The following CTTNBP2 variants were observed in gnomAD, a reference collection of about 807,000 sequenced individuals.
CTTNBP2 encodes the protein cortactin binding protein 2, also known as cortactin-binding protein 2.
In CTTNBP2, 108 loss-of-function variants were observed where a neutral mutation model predicts 156.9. The ratio of observed to expected loss-of-function variants is 0.69; its 90% CI spans 0.59 to 0.81. The LOEUF is 0.81. Ranked by LOEUF, CTTNBP2 falls within the 30% of genes least tolerant of loss-of-function variation. The probability of loss-of-function intolerance (pLI) is 0.00; values close to 1 mark genes in which losing one functional copy is unlikely to be tolerated. For missense variants in CTTNBP2, 1,924 were observed against 2,035.4 expected (o/e 0.95, Z 1.05); for synonymous variants, 767 against 751.8 (o/e 1.02, Z -0.33).
intron 3 of CTTNBP2, among the ~76,000 whole-genome samples, chr7:117,803,875 G>A (rs1184904722): frequency 6.6e-6 from 1 of 152,102 alleles, no homozygotes; most frequent in Non-Finnish European, 1.5e-5. Context: ...AGCAAATCAT[G>A]ATACATGATT....
At chr7:117,846,128 G>T (rs1354464135) in intron 2 of CTTNBP2, among the ~76,000 whole-genome samples, 1 of 152,132 alleles carries the variant, frequency 6.6e-6, no homozygotes, top group Non-Finnish European at 1.5e-5. Context: ...TGAGATTACA[G>T]GCGTGAGCCA....
chr7:117,724,849 C>G, intron 18 of CTTNBP2, 117 bp from the exon 19 acceptor site: 1 of 1,290,898 alleles, frequency 7.7e-7, no homozygotes, highest in South Asian at 1.4e-5. Flanking sequence ...AGTATCCAAG[C>G]TGGGGTTTTG....
At chr7:117,721,557 T>C (rs1275085689) in intron 19 of CTTNBP2, among the ~76,000 whole-genome samples, 1 of 152,268 alleles carries the variant, frequency 6.6e-6, no homozygotes, top group Non-Finnish European at 1.5e-5. Flanking sequence ...CTAACACTAC[T>C]ATGTAATCAA....
intron 16 of CTTNBP2, 106 bp from the exon 17 acceptor site, chr7:117,728,373 T>C (rs1795221272): frequency 1.2e-6 from 1 of 811,372 alleles, no homozygotes; most frequent in Non-Finnish European, 2.0e-6. Context: ...GAAAAGTAGC[T>C]GAATCTTATT....
chr7:117,802,815 A>G (rs137860907), intron 3 of CTTNBP2, among the ~76,000 whole-genome samples: 3,028 of 152,332 alleles, frequency 0.02, 36 homozygotes, highest in South Asian at 0.033. Context: ...AGAAATGCAA[A>G]TCAAAACCAC....
chr7:117,840,030 T>C (rs1452749412), intron 2 of CTTNBP2, among the ~76,000 whole-genome samples: 1 of 152,244 alleles, frequency 6.6e-6, no homozygotes, highest in Admixed American at 6.5e-5. Flanking sequence ...CACACGTTTA[T>C]ATGTATGCAT....
intron 19 of CTTNBP2, among the ~76,000 whole-genome samples, chr7:117,723,024 GA>G: frequency 6.6e-6 from 1 of 152,270 alleles, no homozygotes. Context: ...CCTTGCTACA[GA>G]AAGTCATCTG....
intron 2 of CTTNBP2, among the ~76,000 whole-genome samples, chr7:117,811,872 TAAA>T (rs1800309657): frequency 7.8e-6 from 1 of 128,036 alleles, no homozygotes; most frequent in East Asian, 2.0e-4. Flanking sequence ...AAATTTTAAT[TAAA>T]TTAAAATTTT....
intron 2 of CTTNBP2, among the ~76,000 whole-genome samples, chr7:117,844,048 C>T (rs542570379): frequency 3.5e-4 from 47 of 135,828 alleles, no homozygotes; most frequent in Non-Finnish European, 4.2e-4. Flanking sequence ...GAAGCAGAAA[C>T]GAAGAGAGAG....
chr7:117,850,334 G>A (rs1269775092), intron 2 of CTTNBP2, among the ~76,000 whole-genome samples: 1 of 152,222 alleles, frequency 6.6e-6, no homozygotes, highest in African/African-American at 2.4e-5. Flanking sequence ...TTGCACTCCA[G>A]CCTGGTTGAC....
rs189655803 is a variant in CTTNBP2, at chr7:117,823,721, C to T, written c.190-12732G>A. ...GACACTTTTCGTTTGTTTTTGGAGA[C>T]AGGGTCTTGCTCTGTCACCCAGGCT... On this transcript the variant is annotated intron_variant, in intron 2 of 22. Coordinates refer to ENST00000160373, the MANE Select transcript of CTTNBP2 (RefSeq NM_033427.3). Among the ~76,000 whole-genome samples the T allele has an allele frequency of 4.8e-4, 73 of 152,238 alleles. No homozygotes were observed. The East Asian group carries it at 0.013, about 27-fold the overall frequency.
chr7:117,858,221 T>A (rs893249959), intron 2 of CTTNBP2, among the ~76,000 whole-genome samples: 2 of 152,058 alleles, frequency 1.3e-5, no homozygotes, highest in Non-Finnish European at 2.9e-5. Flanking sequence ...ATACAAAAAA[T>A]TAGCCGGGCA....
At chr7:117,844,864 A>C (rs954166127) in intron 2 of CTTNBP2, among the ~76,000 whole-genome samples, 2 of 152,128 alleles carry the variant, frequency 1.3e-5, no homozygotes, top group Non-Finnish European at 2.9e-5. Flanking sequence ...GATTGCTTCA[A>C]TGTTCTCAAT....
Position 117,791,478 on chromosome 7 carries a change from G to A in CTTNBP2, c.1718C>T (p.Ser573Leu), listed in dbSNP as rs914343538. The change falls in exon 4 of 23, where the codon TCG (serine) becomes TTG (leucine). Residue 573 changes from serine to leucine, a missense_variant. Transcript: ENST00000160373. Reference sequence around the variant, plus strand: ...GTTATCAACTTTGGCCCCTGTGTTCGAGGCCCTGCTGCTGTCTATAATAAC... The same window carrying A: ...GTTATCAACTTTGGCCCCTGTGTTCAAGGCCCTGCTGCTGTCTATAATAAC... ...LKVIIDSSRA[S>L]NTGAKVDNKT... 1.5e-5 allele frequency: 25 copies of A among 1,614,106 alleles called. No individual in the cohort carries two copies. Among genetic ancestry groups the A allele is most frequent in the East Asian group, 4.5e-5 (2 of 44,894 alleles).
chr7:117,756,409 A>G (rs1204591618), intron 12 of CTTNBP2, 146 bp downstream of exon 12: 7 of 653,706 alleles, frequency 1.1e-5, no homozygotes, highest in African/African-American at 7.3e-5. Context: ...GCAGCCTGCC[A>G]GGGAGGGGGC....
rs766066399 is a variant in CTTNBP2, at chr7:117,792,533, T to G, written c.663A>C (p.Thr221=). The G allele has an allele frequency of 1.2e-6, 2 of 1,614,104 alleles. No individual in the cohort carries two copies. The highest frequency in any genetic ancestry group is 1.7e-6 in the Non-Finnish European group (2 of 1,180,038). The change falls in exon 4 of 23, where the codon ACA becomes ACC. Residue 221 remains threonine, a synonymous_variant. Coordinates refer to ENST00000160373, the MANE Select transcript of CTTNBP2 (RefSeq NM_033427.3). The surrounding 1 kb of genome is among the most constrained non-coding windows in gnomAD (Gnocchi z 4.2). ...GTTTTTCCATCTGAGCTTCCATTTC[T>G]GTGCTTCTTCGTTTCTCAGCGGAGA... ...EELSAEKRRS[T]EMEAQMEKQL...
intron 2 of CTTNBP2, among the ~76,000 whole-genome samples, chr7:117,814,813 G>C (rs10268431): frequency 0.068 from 10,337 of 152,214 alleles, 384 homozygotes; most frequent in African/African-American, 0.094. Flanking sequence ...ATTCCTTTAA[G>C]GGTAAAAACA....
intron 8 of CTTNBP2, among the ~76,000 whole-genome samples, chr7:117,770,962 T>C (rs924522176): frequency 1.3e-5 from 2 of 152,222 alleles, no homozygotes; most frequent in African/African-American, 4.8e-5. Context: ...ACATCTGCTA[T>C]AACAGAGACC....
intron 4 of CTTNBP2, among the ~76,000 whole-genome samples, chr7:117,788,032 T>C (rs952423416): frequency 3.3e-5 from 5 of 152,214 alleles, no homozygotes; most frequent in African/African-American, 4.8e-5. Context: ...TGGTGCACAG[T>C]GGCATGATTA....
Sources: gnomAD v4.1 joint callset for allele counts (sites outside exome capture counted in the v4.1 genomes callset) on GRCh38, gnomAD v4.1.1 for gene constraint, Gnocchi (gnomAD v3.1) non-coding constraint, MANE v1.5 for transcripts, NCBI Gene and HGNC (gene_info 2026-07-23, HGNC 2026-07-21) for gene names.